The following PIP5K1B variants were observed in gnomAD, a reference collection of about 807,000 sequenced individuals.
PIP5K1B encodes the protein phosphatidylinositol 4-phosphate 5-kinase type-1 beta.
In PIP5K1B, 42 loss-of-function variants were observed where a neutral mutation model predicts 67.0. The observed-to-expected ratio is 0.63, with a 90% CI of 0.49 to 0.81. The LOEUF is 0.81. PIP5K1B is among the 30% of genes least tolerant of loss of function. The pLI, the probability that PIP5K1B is intolerant of heterozygous loss-of-function variation, is 0.00. For synonymous variants in PIP5K1B, 214 were observed against 231.4 expected (o/e 0.92, Z 0.68); for missense variants, 459 against 646.3 (o/e 0.71, Z 3.14).
intron 14 of PIP5K1B, among the ~76,000 whole-genome samples, chr9:68,987,125 G>A (rs186040697): frequency 1.3e-5 from 2 of 151,960 alleles, no homozygotes; most frequent in African/African-American, 4.8e-5. Flanking sequence ...GGTGGCATAC[G>A]CCTGTAATCT....
intron 12 of PIP5K1B, among the ~76,000 whole-genome samples, chr9:68,929,926 T>A (rs995188390): frequency 6.6e-6 from 1 of 152,244 alleles, no homozygotes; most frequent in Admixed American, 6.5e-5. Context: ...CACCTTGGCC[T>A]CCCAAAGTGC....
At chr9:68,725,729 T>C (rs1250943025) in intron 1 of PIP5K1B, among the ~76,000 whole-genome samples, 3 of 152,178 alleles carry the variant, frequency 2.0e-5, no homozygotes, top group Non-Finnish European at 4.4e-5. Context: ...ACCCTGAATG[T>C]GGACGTTTAT....
intron 14 of PIP5K1B, among the ~76,000 whole-genome samples, chr9:68,957,234 G>GAA (rs565344023): frequency 0.061 from 8,697 of 142,326 alleles, 338 homozygotes; most frequent in African/African-American, 0.11. Context: ...AATAGAAAAA[G>GAA]AAAAAAAAAA....
intron 2 of PIP5K1B, chr9:68,781,656 CTT>C (rs1046050983): frequency 6.0e-6 from 1 of 166,514 alleles, no homozygotes; most frequent in African/African-American, 2.4e-5. Flanking sequence ...TAAAAGTAAA[CTT>C]TTAAGAAAAA....
At chr9:68,920,787 C>CACAT (rs1826345985) in intron 11 of PIP5K1B, among the ~76,000 whole-genome samples, 1 of 137,498 alleles carries the variant, frequency 7.3e-6, no homozygotes, top group African/African-American at 2.9e-5. Flanking sequence ...CTCTCTCTCA[C>CACAT]ACACATACAC....
At chr9:68,870,212 G>A (rs1003227873) in intron 5 of PIP5K1B, among the ~76,000 whole-genome samples, 10 of 152,154 alleles carry the variant, frequency 6.6e-5, no homozygotes, top group Non-Finnish European at 1.3e-4. Flanking sequence ...TTATATAACC[G>A]ATGATGTCAC....
chr9:69,005,654 C>A (rs1053401020), intron 15 of PIP5K1B, among the ~76,000 whole-genome samples: 1 of 152,188 alleles, frequency 6.6e-6, no homozygotes, highest in Non-Finnish European at 1.5e-5. Flanking sequence ...GCTGGGATTA[C>A]AGGCATGAGC....
intron 12 of PIP5K1B, among the ~76,000 whole-genome samples, chr9:68,924,897 C>T (rs1826608004): frequency 6.6e-6 from 1 of 151,988 alleles, no homozygotes; most frequent in East Asian, 1.9e-4. Flanking sequence ...CAGAGATATC[C>T]ACTGCTAATA....
chr9:69,007,938 A>T (rs1407359291), intron 15 of PIP5K1B, among the ~76,000 whole-genome samples: 1 of 152,134 alleles, frequency 6.6e-6, no homozygotes, highest in Non-Finnish European at 1.5e-5. Context: ...CTTTCCCCAC[A>T]TATATCATAG....
intron 4 of PIP5K1B, among the ~76,000 whole-genome samples, chr9:68,846,581 AT>A (rs1391147415): frequency 6.6e-6 from 1 of 152,208 alleles, no homozygotes; most frequent in East Asian, 1.9e-4. Context: ...ACAGCAAGTG[AT>A]GCCTCTCACT....
Position 68,796,253 on chromosome 9 carries a change from A to T in PIP5K1B, c.-85-22208A>T, listed in dbSNP as rs545590585. ...TGCATTTTTTTGATAGTTGCATGTT[A>T]TTTTTTTCTGTGGATGTACCACAGT... On this transcript the variant is annotated intron_variant, in intron 2 of 15. Coordinates refer to ENST00000265382, the MANE Select transcript of PIP5K1B (RefSeq NM_003558.4). Among the ~76,000 whole-genome samples the T allele has an allele frequency of 2.5e-3, 387 of 151,862 alleles. 2 individuals carry two copies. Among genetic ancestry groups the T allele is most frequent in the Middle Eastern group, 0.017 (5 of 294 alleles).
intron 2 of PIP5K1B, chr9:68,784,687 T>C (rs1207352996): frequency 6.2e-6 from 1 of 162,506 alleles, no homozygotes; most frequent in Admixed American, 6.6e-5. Flanking sequence ...GAGGTGGGAG[T>C]CAGGGGAATG....
chr9:68,774,969 CA>C (rs1215647942), intron 2 of PIP5K1B, among the ~76,000 whole-genome samples: 2 of 152,176 alleles, frequency 1.3e-5, no homozygotes, highest in African/African-American at 2.4e-5. Context: ...CATTGGCAGA[CA>C]AAACCTCTCT....
chr9:68,756,761 C>T (rs1829946799), intron 2 of PIP5K1B, among the ~76,000 whole-genome samples: 1 of 152,044 alleles, frequency 6.6e-6, no homozygotes, highest in Admixed American at 6.6e-5. Context: ...AGATTTAGAA[C>T]AGCATTGTCT....
chr9:68,849,008 C>T (rs765734810), intron 4 of PIP5K1B, among the ~76,000 whole-genome samples: 2 of 152,196 alleles, frequency 1.3e-5, no homozygotes, highest in Non-Finnish European at 2.9e-5. Flanking sequence ...TCTTACACAG[C>T]ACTCTGTTGG....
intron 4 of PIP5K1B, among the ~76,000 whole-genome samples, chr9:68,833,285 G>A (rs918248403): frequency 6.6e-6 from 1 of 152,248 alleles, no homozygotes; most frequent in Admixed American, 6.5e-5. Context: ...CTGGGATCGC[G>A]AGTGTGTGAA....
In PIP5K1B at chr9:68,711,394, T is replaced by G. The variant is rs560856695; in HGVS notation, c.-243+5632T>G. Among the ~76,000 whole-genome samples, 40 of 152,154 alleles carry G rather than the reference T, an allele frequency of 2.6e-4. 1 individual carries two copies. In the South Asian group the frequency reaches 8.3e-3, roughly 32 times the overall value. Reference sequence around the variant, plus strand: ...CAATGCAACGACCTCCTTGAGGGAGTAGTAAGCACATCATAGGTGTTCAGC... The same window carrying G: ...CAATGCAACGACCTCCTTGAGGGAGGAGTAAGCACATCATAGGTGTTCAGC... On this transcript the variant is annotated intron_variant, in intron 1 of 15. Transcript: ENST00000265382.
At chr9:68,868,695 C>T (rs1385489460) in intron 5 of PIP5K1B, among the ~76,000 whole-genome samples, 1 of 152,220 alleles carries the variant, frequency 6.6e-6, no homozygotes, top group African/African-American at 2.4e-5. Context: ...CCAGGAGACA[C>T]TATCACTACC....
intron 1 of PIP5K1B, chr9:68,742,189 G>A (rs1020475279): frequency 3.3e-5 from 5 of 152,124 alleles, no homozygotes; most frequent in African/African-American, 1.2e-4. Context: ...ATCACTAGAT[G>A]TACTATAAGG....
Sources: allele counts gnomAD v4.1 joint callset (sites outside exome capture counted in the v4.1 genomes callset), GRCh38; gene constraint gnomAD v4.1.1; transcripts MANE v1.5; gene names NCBI Gene and HGNC (gene_info 2026-07-23, HGNC 2026-07-21).